The following FLT4 variants were observed in gnomAD, a reference collection of about 807,000 sequenced individuals.
FLT4 encodes the protein fms related receptor tyrosine kinase 4.
In FLT4, 30 loss-of-function variants were observed where a neutral mutation model predicts 163.2. The ratio of observed to expected loss-of-function variants is 0.18; its 90% confidence interval spans 0.14 to 0.25. FLT4 has a LOEUF of 0.25. FLT4 is among the 10% of genes least tolerant of loss of function. The probability of loss-of-function intolerance (pLI) is 1.00; values close to 1 mark genes in which losing one functional copy is unlikely to be tolerated. For missense variants in FLT4, 1,510 were observed against 1,863.8 expected (o/e 0.81, Z 3.50); for synonymous variants, 884 against 789.5 (o/e 1.12, Z -2.01).
At chr5:180,613,266 C>A in intron 24 of FLT4, 156 bp from the exon 25 acceptor site, 1 of 582,722 alleles carries the variant, frequency 1.7e-6, no homozygotes, top group South Asian at 2.2e-5. Context: ...CGACTGTGCT[C>A]TACCTGGGAC....
chr5:180,614,652 C>T (rs1053986275), intron 23 of FLT4, among the ~76,000 whole-genome samples: 3 of 152,110 alleles, frequency 2.0e-5, no homozygotes. Flanking sequence ...CTGTCTCTCT[C>T]CCTCTCATGG....
At position 180,623,985 on chromosome 5, in the gene FLT4, G is replaced by A. The variant is rs770248086; in HGVS notation, c.1498C>T (p.Pro500Ser). The change falls in exon 11 of 30, where the codon CCC (proline) becomes TCC (serine). Residue 500 changes from proline to serine, a missense_variant. Physicochemically the swap from Pro to Ser is moderately conservative, Grantham distance 74. Transcript: ENST00000261937. The surrounding 1 kb of genome is among the most constrained non-coding windows in gnomAD (Gnocchi z 5.8). ...GTCCAGGTGTCCAGGCTCTCGATGGGGTTCACGGCATCCTGCGTGGTCACC... is the reference window on the plus strand; with the variant it reads ...GTCCAGGTGTCCAGGCTCTCGATGGAGTTCACGGCATCCTGCGTGGTCACC... ...RAVTTQDAVN[P>S]IESLDTWTEF... The A allele has an allele frequency of 6.2e-6, 10 of 1,613,424 alleles. No individual in the cohort carries two copies. Among genetic ancestry groups the A allele is most frequent in the African/African-American group, 1.3e-5 (1 of 74,892 alleles).
rs1443279494 is a variant in FLT4, at chr5:180,641,763, C to T, written c.58+7725G>A. 4.6e-5 allele frequency among the ~76,000 whole-genome samples: 7 copies of T among 152,154 alleles called. No homozygotes were observed. In the South Asian group the frequency reaches 6.2e-4, roughly 14 times the overall value. On this transcript the variant is annotated intron_variant, in intron 1 of 29. Coordinates refer to ENST00000261937, the MANE Select transcript of FLT4 (RefSeq NM_182925.5). Reference sequence around the variant, plus strand: ...CCTGCAGGTCTGAGAGAGCTGAGCCCGCATGCCCGGCTGGGCACCCCGCAC... The same window carrying T: ...CCTGCAGGTCTGAGAGAGCTGAGCCTGCATGCCCGGCTGGGCACCCCGCAC...
chr5:180,608,187 G>A (rs548168543), intron 29 of FLT4: 67 of 700,466 alleles, frequency 9.6e-5, no homozygotes, highest in Non-Finnish European at 1.6e-4. Context: ...GATAGCAGTA[G>A]AAGAAATAGC....
chr5:180,613,692 C>A (rs1482354104), intron 24 of FLT4: 3 of 372,782 alleles, frequency 8.0e-6, no homozygotes, highest in South Asian at 2.5e-5. Flanking sequence ...CTGCCCTACC[C>A]TGGCCTGGAG....
chr5:180,642,587 G>A (rs926159621), intron 1 of FLT4, among the ~76,000 whole-genome samples: 1 of 152,132 alleles, frequency 6.6e-6, no homozygotes, highest in Non-Finnish European at 1.5e-5. Flanking sequence ...ACACCGGGGG[G>A]CTTCAACCCC....
rs1159689890 is a variant in FLT4 at position 180,626,208 on chromosome 5, C to T, written c.1161G>A (p.Lys387=). The change falls in exon 9 of 30, where the codon AAG becomes AAA. Residue 387 remains lysine, a synonymous_variant. Coordinates refer to ENST00000261937, the MANE Select transcript of FLT4 (RefSeq NM_182925.5). ...TGCCTGTGCTGGCCTCTGTCACCTC[C>T]TTGAGCACCAGGGCATGTGGACTGT... ...GRHSPHALVL[K]EVTEASTGTY... is the part of the protein sequence containing the mutation. 18 of 1,612,636 alleles carry T rather than the reference C, an allele frequency of 1.1e-5. No individual in the cohort carries two copies. The highest frequency in any genetic ancestry group is 1.4e-5 in the Non-Finnish European group (17 of 1,179,974).
Position 180,623,896 on chromosome 5 carries a change from C to T in FLT4, c.1548+39G>A, listed in dbSNP as rs2127822122. The T allele has an allele frequency of 6.2e-7, 1 of 1,612,582 alleles. No homozygotes were observed. Among genetic ancestry groups the T allele is most frequent in the Non-Finnish European group, 8.5e-7 (1 of 1,179,388 alleles). ...TAATGGCCTCTCTCTCCTCCCTTCTCCTTCTCCCTGGGCACTCAGCAGCGC... is the reference window on the plus strand; with the variant it reads ...TAATGGCCTCTCTCTCCTCCCTTCTTCTTCTCCCTGGGCACTCAGCAGCGC... On this transcript the variant is annotated intron_variant, in intron 11 of 29. Coordinates refer to ENST00000261937, the MANE Select transcript of FLT4 (RefSeq NM_182925.5). This position sits in a 1 kb window ranked among gnomAD's most constrained non-coding sequence, Gnocchi z 5.8.
intron 24 of FLT4, chr5:180,613,653 T>A (rs955032716): frequency 1.9e-5 from 6 of 323,012 alleles, no homozygotes; most frequent in African/African-American, 4.2e-5. Context: ...CAGTTGCCAC[T>A]TGGTGACATT....
chr5:180,621,327 G>A (rs1469674784), intron 13 of FLT4, 75 bp from the exon 14 acceptor site: 5 of 1,526,286 alleles, frequency 3.3e-6, no homozygotes, highest in African/African-American at 2.8e-5. Context: ...TGGGAGCAGA[G>A]GTAGAAAAGG....
rs142864113 is a variant in FLT4 at position 180,637,788 on chromosome 5, T to C, written c.59-6010A>G. On this transcript the variant is annotated intron_variant, in intron 1 of 29. Transcript: ENST00000261937. Reference sequence around the variant, plus strand: ...CAGGTGATCCACCTGCCTCGGCCTCTCAAAGTGCTGGGATTACAGGTGTGG... The same window carrying C: ...CAGGTGATCCACCTGCCTCGGCCTCCCAAAGTGCTGGGATTACAGGTGTGG... 2.7e-3 allele frequency among the ~76,000 whole-genome samples: 404 copies of C among 152,184 alleles called. 3 individuals are homozygous for C. Among genetic ancestry groups the C allele is most frequent in the African/African-American group, 9.1e-3 (379 of 41,526 alleles).
rs7707285 is a variant in FLT4 at position 180,619,839 on chromosome 5, G to A, written c.2543-70C>T. On this transcript the variant is annotated intron_variant, in intron 17 of 29. Coordinates refer to ENST00000261937, the MANE Select transcript of FLT4 (RefSeq NM_182925.5). Reference sequence around the variant, plus strand: ...GCGTGGAGACAGGTGGGCGGCGGGGGAGCCCCGTGCAGAGGTCCAGGAGGA... The same window carrying A: ...GCGTGGAGACAGGTGGGCGGCGGGGAAGCCCCGTGCAGAGGTCCAGGAGGA... 252,643 of 1,184,886 alleles carry A rather than the reference G, an allele frequency of 0.21. 29,021 individuals are homozygous for A. Among genetic ancestry groups the A allele is most frequent in the Non-Finnish European group, 0.24 (191,100 of 799,690 alleles). The allele number at this position is 1,184,886 out of a possible 1,614,324, so 73.4% of individuals were successfully genotyped here. A position where few individuals can be genotyped will look rare whatever the true frequency, so the allele number is the denominator to read the frequency against.
rs1765640766 is a variant in FLT4, at chr5:180,649,431, G to A, written c.58+57C>T. 1.6e-5 allele frequency: 21 copies of A among 1,332,414 alleles called. No individual in the cohort carries two copies. The East Asian group carries it at 5.7e-4, about 36-fold the overall frequency. The allele number at this position is 1,332,414 out of a possible 1,614,324, so 82.5% of individuals were successfully genotyped here. A position where few individuals can be genotyped will look rare whatever the true frequency, so the allele number is the denominator to read the frequency against. ...TCTCAGCGCCCGCCCCAGGTGCGCGGTACCCCCTCCCCGGCCAGCCCCACG... is the reference window on the plus strand; with the variant it reads ...TCTCAGCGCCCGCCCCAGGTGCGCGATACCCCCTCCCCGGCCAGCCCCACG... On this transcript the variant is annotated intron_variant, in intron 1 of 29. Coordinates refer to ENST00000261937, the MANE Select transcript of FLT4 (RefSeq NM_182925.5).
In FLT4 at chr5:180,621,001, T is replaced by C. The variant is rs1474479369; in HGVS notation, c.2174A>G (p.Asp725Gly). The C allele has an allele frequency of 1.2e-6, 2 of 1,611,476 alleles. No individual in the cohort carries two copies. Among genetic ancestry groups the C allele is most frequent in the East Asian group, 4.5e-5 (2 of 44,802 alleles). Reference protein sequence around the residue: ...ERLLEEKSGVDLADSNQKLSI... With the variant: ...ERLLEEKSGVGLADSNQKLSI... ...CAGCTTCTGGTTGGAGTCCGCCAAGTCGACTCCTGCAGGGGGTGGGGTGGA... is the reference window on the plus strand; with the variant it reads ...CAGCTTCTGGTTGGAGTCCGCCAAGCCGACTCCTGCAGGGGGTGGGGTGGA... Residue 725 changes from aspartate (D) to glycine (G), a missense_variant, in exon 15 of 30, where the codon GAC becomes GGC. Physicochemically the swap from Asp to Gly is moderately conservative, Grantham distance 94 (BLOSUM62 -1). Around this residue, in one of 5 missense-constraint regions of FLT4, gnomAD observed 878 missense variants for 1,016.7 expected, o/e 0.86. Transcript: ENST00000261937.
chr5:180,609,802 C>T (rs184725766), intron 28 of FLT4, 103 bp downstream of exon 28: 31 of 1,414,080 alleles, frequency 2.2e-5, no homozygotes, highest in East Asian at 4.6e-5. Flanking sequence ...AAAGGACAGT[C>T]GTTGGGTTCT....
rs1581698863 is a variant in FLT4 at position 180,636,519 on chromosome 5, A to G, written c.59-4741T>C. Among the ~76,000 whole-genome samples, 1 of 82,332 alleles carries G rather than the reference A, an allele frequency of 1.2e-5. No individual in the cohort carries two copies. The highest frequency in any genetic ancestry group is 4.5e-4 in the South Asian group (1 of 2,200). 54.0% of individuals were successfully genotyped at this position (82,332 alleles called of 152,430 possible). On this transcript the variant is annotated intron_variant, in intron 1 of 29. Transcript: ENST00000261937. The surrounding 1 kb of genome is among the most constrained non-coding windows in gnomAD (Gnocchi z 4.3). Reference sequence around the variant, plus strand: ...CTGCACCCCCCCGTCACTTCCCCTCATTCTCTGCTGACCGTAGCTCCTGGC... The same window carrying G: ...CTGCACCCCCCCGTCACTTCCCCTCGTTCTCTGCTGACCGTAGCTCCTGGC...
At position 180,626,016 on chromosome 5, in the gene FLT4, T is replaced by G. The variant is rs1446206847; in HGVS notation, c.1274A>C (p.His425Pro). 3.7e-6 allele frequency: 6 copies of G among 1,612,548 alleles called. No individual in the cohort carries two copies. The highest frequency in any genetic ancestry group is 5.1e-6 in the Non-Finnish European group (6 of 1,179,952). The change falls in exon 10 of 30, where the codon CAT (histidine) becomes CCT (proline). Residue 425 changes from histidine to proline, a missense_variant. Physicochemically the swap from His to Pro is moderately conservative, Grantham distance 77. Coordinates refer to ENST00000261937, the MANE Select transcript of FLT4 (RefSeq NM_182925.5). ...ELVVNVPPQI[H>P]EKEASSPSIY... The stretch of plus-strand genomic sequence containing the variant: ...GCTGGGGGAGGAGGCCTCCTTCTCA[T>G]GTATCTGGGGGGGCACTGTGGGCAC...
chr5:180,623,525 TGGA>T lies in FLT4; in HGVS notation c.1548+407_1548+409del, dbSNP rs1250669432. 6.7e-6 allele frequency among the ~76,000 whole-genome samples: 1 copy of T among 148,554 alleles called. No homozygotes were observed. Among genetic ancestry groups the T allele is most frequent in the African/African-American group, 2.5e-5 (1 of 40,412 alleles). On this transcript the variant is annotated intron_variant, in intron 11 of 29. Coordinates refer to ENST00000261937, the MANE Select transcript of FLT4 (RefSeq NM_182925.5). This position sits in a 1 kb window ranked among gnomAD's most constrained non-coding sequence, Gnocchi z 5.8. The stretch of plus-strand genomic sequence containing the variant: ...GGTGTGTAGGAAAACAGGAAGTGAC[TGGA>T]GGAAGTAGGTGCCTTTGTTCAGTAC...
chr5:180,632,328 G>A (rs997519941), intron 1 of FLT4, among the ~76,000 whole-genome samples: 7 of 139,862 alleles, frequency 5.0e-5, no homozygotes, highest in East Asian at 2.3e-4. Flanking sequence ...CCCAGGCCAC[G>A]TGGTGTCACC....
Sources: gnomAD v4.1 joint callset for allele counts (sites outside exome capture counted in the v4.1 genomes callset) on GRCh38, gnomAD v4.1.1 for gene constraint, gnomAD v4.1.1 regional missense constraint, Gnocchi (gnomAD v3.1) non-coding constraint, MANE v1.5 for transcripts, NCBI Gene and HGNC (gene_info 2026-07-23, HGNC 2026-07-21) for gene names.